SNRPC: variants seen among roughly 807,000 people sequenced by gnomAD.
SNRPC encodes U1 small nuclear ribonucleoprotein C.
In SNRPC, 5 loss-of-function variants were observed where a neutral mutation model predicts 20.0. The observed-to-expected ratio is 0.25, with a 90% confidence interval of 0.13 to 0.53. SNRPC has a LOEUF of 0.53. SNRPC is among the 20% of genes least tolerant of loss of function. The pLI, the probability that SNRPC is intolerant of heterozygous loss-of-function variation, is 0.96. For missense variants in SNRPC, 112 were observed against 224.1 expected (o/e 0.50, Z 3.19); for synonymous variants, 61 against 58.7 (o/e 1.04, Z -0.18).
chr6:34,764,933 A>G (rs928241894), intron 3 of SNRPC, among the ~76,000 whole-genome samples: 2 of 152,118 alleles, frequency 1.3e-5, no homozygotes, highest in African/African-American at 4.8e-5. Flanking sequence ...AGGCAGGAGA[A>G]TCGCTTGAAC....
intron 4 of SNRPC, among the ~76,000 whole-genome samples, chr6:34,769,899 A>G (rs1049964899): frequency 1.2e-4 from 18 of 152,162 alleles, no homozygotes; most frequent in African/African-American, 4.3e-4. Flanking sequence ...AATTTGAAGG[A>G]GTTCATGAGA....
rs1764717359 is a variant in SNRPC at position 34,773,557 on chromosome 6, G to A, written c.467G>A (p.Arg156Gln). The change falls in exon 6 of 6, where the codon CGA becomes CAA. Residue 156 changes from arginine to glutamine, a missense_variant. Physicochemically the swap from Arg to Gln is conservative, Grantham distance 43. This residue lies in a region of SNRPC where 57 missense variants were observed against 121.0 expected (regional missense o/e 0.47). Transcript: ENST00000244520. The surrounding 1 kb of genome is among the most constrained non-coding windows in gnomAD (Gnocchi z 4.1). ...GTGCCCACTCGGCCCGGAATGACTCGACCAGACAGATAAGGATAGAGGGGA... is the reference window on the plus strand; with the variant it reads ...GTGCCCACTCGGCCCGGAATGACTCAACCAGACAGATAAGGATAGAGGGGA... ...MMVPTRPGMT[R>Q]PDR The A allele has an allele frequency of 6.2e-6, 10 of 1,613,562 alleles. No individual in the cohort carries two copies. The highest frequency in any genetic ancestry group is 1.7e-5 in the Admixed American group (1 of 59,972).
intron 2 of SNRPC, among the ~76,000 whole-genome samples, chr6:34,760,032 A>T (rs186012742): frequency 2.8e-4 from 42 of 151,958 alleles, no homozygotes; most frequent in Admixed American, 7.9e-4. Flanking sequence ...GGTCAGATGT[A>T]GTACAGCATT....
At chr6:34,761,149 T>G (rs1380784018) in intron 2 of SNRPC, among the ~76,000 whole-genome samples, 1 of 151,142 alleles carries the variant, frequency 6.6e-6, no homozygotes, top group African/African-American at 2.4e-5. Context: ...TGTTTTTGTC[T>G]TTTTTTTTGA....
chr6:34,763,693 T>A (rs1424344212), intron 3 of SNRPC, among the ~76,000 whole-genome samples: 1 of 136,626 alleles, frequency 7.3e-6, no homozygotes, highest in African/African-American at 2.9e-5. Flanking sequence ...AAAAAAAAAA[T>A]TAAAAATTTG....
Position 34,773,748 on chromosome 6 carries a change from T to C in SNRPC, c.*178T>C, listed in dbSNP as rs960814350. On this transcript the variant is annotated 3_prime_UTR_variant, in exon 6 of 6. Transcript: ENST00000244520. The surrounding 1 kb of genome is among the most constrained non-coding windows in gnomAD (Gnocchi z 4.1). ...GGACAAAAAAGATGCAGTTTTCCTTTGTATTGGGAAATGTGAAAATAAAAT... is the reference window on the plus strand; with the variant it reads ...GGACAAAAAAGATGCAGTTTTCCTTCGTATTGGGAAATGTGAAAATAAAAT... 1 of 483,088 alleles carries C rather than the reference T, an allele frequency of 2.1e-6. No homozygotes were observed. The highest frequency in any genetic ancestry group is 1.9e-5 in the African/African-American group (1 of 52,020). 29.9% of individuals were successfully genotyped at this position (483,088 alleles called of 1,614,324 possible). A position where few individuals can be genotyped will look rare whatever the true frequency, so the allele number is the denominator to read the frequency against.
chr6:34,757,732 G>T, intron 1 of SNRPC, 180 bp from the exon 2 acceptor site: 1 of 1,500,548 alleles, frequency 6.7e-7, no homozygotes, highest in Non-Finnish European at 9.0e-7. Context: ...GATGGATCCC[G>T]CTTAAGGCAA....
At chr6:34,771,054 C>T (rs11967025) in intron 5 of SNRPC, among the ~76,000 whole-genome samples, 17 of 152,228 alleles carry the variant, frequency 1.1e-4, no homozygotes, top group African/African-American at 3.1e-4. Flanking sequence ...CTAGGCCAGG[C>T]GCGGTGGCTC....
At position 34,757,538 on chromosome 6, in the gene SNRPC, A is replaced by C. The variant is rs1223439839; in HGVS notation, c.-6A>C. 6.2e-7 allele frequency: 1 copy of C among 1,613,694 alleles called. No homozygotes were observed. Among genetic ancestry groups the C allele is most frequent in the Admixed American group, 1.7e-5 (1 of 60,016 alleles). The stretch of plus-strand genomic sequence containing the variant: ...TAACGGAGTGGCCAACGGCCTGCAG[A>C]GCAACATGCCCAAGTGAGTGGGGCC... On this transcript the variant is annotated 5_prime_UTR_variant, in exon 1 of 6. Transcript: ENST00000244520.
chr6:34,764,474 C>T (rs1397891074), intron 3 of SNRPC, among the ~76,000 whole-genome samples: 6 of 147,572 alleles, frequency 4.1e-5, no homozygotes, highest in African/African-American at 1.5e-4. Flanking sequence ...GAAACTCCGT[C>T]TCAAAAACAA....
intron 4 of SNRPC, among the ~76,000 whole-genome samples, chr6:34,768,925 G>T (rs953500967): frequency 2.6e-5 from 4 of 152,122 alleles, no homozygotes; most frequent in African/African-American, 7.2e-5. Flanking sequence ...CCTGGGAGGG[G>T]TCAGACTGAA....
At chr6:34,767,137 C>T (rs545097245) in intron 3 of SNRPC, among the ~76,000 whole-genome samples, 10 of 152,266 alleles carry the variant, frequency 6.6e-5, no homozygotes, top group Non-Finnish European at 1.3e-4. Flanking sequence ...TTTAGTGCAT[C>T]GATTTCCAAA....
rs553586813 is a variant in SNRPC at position 34,769,208 on chromosome 6, A to G, written c.251-1083A>G. Among the ~76,000 whole-genome samples the G allele has an allele frequency of 8.6e-3, 1,254 of 146,546 alleles. 6 individuals are homozygous for G. Among genetic ancestry groups the G allele is most frequent in the Non-Finnish European group, 0.013 (857 of 66,768 alleles). ...CTATGGTATGAATTTACCATAATTTACCTCACTATTTTCTTTCTTTCTTTT... is the reference window on the plus strand; with the variant it reads ...CTATGGTATGAATTTACCATAATTTGCCTCACTATTTTCTTTCTTTCTTTT... On this transcript the variant is annotated intron_variant, in intron 4 of 5. Coordinates refer to ENST00000244520, the MANE Select transcript of SNRPC (RefSeq NM_003093.3).
intron 5 of SNRPC, among the ~76,000 whole-genome samples, chr6:34,771,129 C>A (rs1764684949): frequency 1.3e-5 from 2 of 152,040 alleles, no homozygotes; most frequent in South Asian, 2.1e-4. Flanking sequence ...GAGATCAAGA[C>A]CATCTTGGCT....
Position 34,757,899 on chromosome 6 carries a change from C to T in SNRPC, c.9-13C>T, listed in dbSNP as rs752482561. 14 of 1,613,442 alleles carry T rather than the reference C, an allele frequency of 8.7e-6. No individual in the cohort carries two copies. The Admixed American group carries it at 2.0e-4, about 23-fold the overall frequency. On this transcript the variant is annotated splice_polypyrimidine_tract_variant and intron_variant, in intron 1 of 5. Transcript: ENST00000244520. ...GGTTGTCGTCTTTTTCTCTTCCTTT[C>T]ACCTCTTTTCAGGTTTTATTGTGAC... is the stretch of plus-strand genomic sequence containing the variant.
Position 34,767,996 on chromosome 6 carries a change from T to C in SNRPC, c.249T>C (p.Leu83=). ...AGAMIPPPPS[L]PGPPRPGMMP... is the part of the protein sequence containing the mutation. ...CGATGATACCACCTCCCCCCAGCCT[T>C]CGTAAGTTTAAACTTTTAATCTTAA... The change falls in exon 4 of 6, where the codon CTT becomes CTC. Residue 83 remains leucine, a splice_region_variant and synonymous_variant. Transcript: ENST00000244520. 1 of 1,611,512 alleles carries C rather than the reference T, an allele frequency of 6.2e-7. No homozygotes were observed. Among genetic ancestry groups the C allele is most frequent in the Non-Finnish European group, 8.5e-7 (1 of 1,179,140 alleles).
At chr6:34,763,341 G>T (rs1469775540) in intron 3 of SNRPC, among the ~76,000 whole-genome samples, 1 of 152,026 alleles carries the variant, frequency 6.6e-6, no homozygotes, top group Admixed American at 6.5e-5. Context: ...ATCATTCATT[G>T]TACTCCAAGC....
intron 2 of SNRPC, among the ~76,000 whole-genome samples, chr6:34,758,446 G>C (rs1764482436): frequency 6.6e-6 from 1 of 152,070 alleles, no homozygotes; most frequent in Non-Finnish European, 1.5e-5. Flanking sequence ...CTCCCGAGTA[G>C]CTGGGATTAC....
At chr6:34,760,573 A>G (rs1561789280) in intron 2 of SNRPC, among the ~76,000 whole-genome samples, 1 of 152,174 alleles carries the variant, frequency 6.6e-6, no homozygotes, top group Non-Finnish European at 1.5e-5. Context: ...ATAGTTTAAT[A>G]TACCTATTAT....
Sources: allele counts gnomAD v4.1 joint callset (sites outside exome capture counted in the v4.1 genomes callset), GRCh38; gene constraint gnomAD v4.1.1; regional missense constraint gnomAD v4.1.1; non-coding constraint Gnocchi (gnomAD v3.1); transcripts MANE v1.5; gene names NCBI Gene and HGNC (gene_info 2026-07-23, HGNC 2026-07-21).